The following ZW10 variants were observed in gnomAD, a reference collection of about 807,000 sequenced individuals.
ZW10 encodes centromere/kinetochore protein zw10 homolog.
ZW10 carries 53 observed loss-of-function variants against 87.8 expected under a neutral mutation model. The observed-to-expected ratio is 0.60, with a 90% CI of 0.48 to 0.76. ZW10 has a LOEUF of 0.76. Among genes scored for constraint, ZW10 ranks in the 30% least tolerant of loss-of-function variants. The pLI is 0.00. For missense variants in ZW10, 837 were observed against 923.0 expected (o/e 0.91, Z 1.21); for synonymous variants, 312 against 329.2 (o/e 0.95, Z 0.57).
At chr11:113,768,317 T>C (rs17541841) in intron 2 of ZW10, among the ~76,000 whole-genome samples, 10,622 of 152,258 alleles carry the variant, frequency 0.07, 423 homozygotes, top group African/African-American at 0.1. Context: ...CTAAACCTTC[T>C]CATCCAGACC....
intron 12 of ZW10, among the ~76,000 whole-genome samples, 191 bp from the exon 13 acceptor site, chr11:113,738,585 C>T (rs1352984677): frequency 1.3e-5 from 2 of 152,140 alleles, no homozygotes; most frequent in East Asian, 3.8e-4. Flanking sequence ...GTTCCTCAAA[C>T]CCCACCCTCC....
chr11:113,739,202 G>C lies in ZW10; in HGVS notation c.1753+11C>G, dbSNP rs745666929. 1.9e-6 allele frequency: 3 copies of C among 1,613,132 alleles called. No homozygotes were observed. The highest frequency in any genetic ancestry group is 2.7e-5 in the African/African-American group (2 of 74,836). ...ATCCATATGCTTTCCTACATTGAAA[G>C]TATCAGTTACCAAGTCTCCTGAAGC... On this transcript the variant is annotated intron_variant, in intron 12 of 15. Transcript: ENST00000200135.
At position 113,733,561 on chromosome 11, in the gene ZW10, T is replaced by G. The variant is rs572873112; in HGVS notation, c.*133A>C. ...TACAGGCCAGGAGGTAAGACGTTCT[T>G]CTGTAAAGTCAAACTTCCAAGATGT... On this transcript the variant is annotated 3_prime_UTR_variant, in exon 16 of 16. Coordinates refer to ENST00000200135, the MANE Select transcript of ZW10 (RefSeq NM_004724.4). The G allele has an allele frequency of 6.6e-6, 8 of 1,216,552 alleles. No individual in the cohort carries two copies. The South Asian group carries it at 1.1e-4, about 16-fold the overall frequency. The allele number at this position is 1,216,552 out of a possible 1,614,324, so 75.4% of individuals were successfully genotyped here.
At chr11:113,762,295 CT>C (rs1565287559) in intron 2 of ZW10, among the ~76,000 whole-genome samples, 2 of 152,096 alleles carry the variant, frequency 1.3e-5, no homozygotes, top group Non-Finnish European at 2.9e-5. Context: ...AATGGTACAC[CT>C]GTATAGGGCA....
intron 10 of ZW10, among the ~76,000 whole-genome samples, chr11:113,742,556 T>C (rs1180877043): frequency 6.6e-6 from 1 of 152,208 alleles, no homozygotes; most frequent in Non-Finnish European, 1.5e-5. Context: ...AGCTGTGGTT[T>C]TGTTTGTCCT....
Position 113,743,797 on chromosome 11 carries a change from C to T in ZW10, c.1511+5G>A, listed in dbSNP as rs150184757. 390 of 1,607,920 alleles carry T rather than the reference C, an allele frequency of 2.4e-4. 1 individual carries two copies. The East Asian group carries it at 7.7e-3, about 32-fold the overall frequency. ...TGCCATTTTCACACAACCCAGAATT[C>T]GTACCATTGATCACTACTGGTTGTT... On this transcript the variant is annotated splice_donor_5th_base_variant and intron_variant, in intron 10 of 15. Coordinates refer to ENST00000200135, the MANE Select transcript of ZW10 (RefSeq NM_004724.4).
intron 5 of ZW10, among the ~76,000 whole-genome samples, chr11:113,759,332 C>T (rs1316195365): frequency 6.6e-6 from 1 of 152,144 alleles, no homozygotes; most frequent in Non-Finnish European, 1.5e-5. Context: ...TAATATTCTA[C>T]TTGAGAACAG....
chr11:113,742,341 G>A (rs1417647739), intron 10 of ZW10, among the ~76,000 whole-genome samples: 10 of 152,170 alleles, frequency 6.6e-5, no homozygotes, highest in African/African-American at 1.9e-4. Flanking sequence ...CAAACATAAG[G>A]TTTGTGTAAC....
Position 113,752,526 on chromosome 11 carries a change from A to G in ZW10, c.926-4106T>C, listed in dbSNP as rs1480169532. ...GTCTATGAGCACCATTTTGTCCAAG[A>G]GCATGTGCTCACTTCATATATCTGT... On this transcript the variant is annotated intron_variant, in intron 7 of 15. Coordinates refer to ENST00000200135, the MANE Select transcript of ZW10 (RefSeq NM_004724.4). 2.0e-5 allele frequency among the ~76,000 whole-genome samples: 3 copies of G among 152,354 alleles called. No individual in the cohort carries two copies. The East Asian group carries it at 5.8e-4, about 29-fold the overall frequency.
At chr11:113,753,534 C>T (rs564810207) in intron 7 of ZW10, among the ~76,000 whole-genome samples, 176 of 152,248 alleles carry the variant, frequency 1.2e-3, no homozygotes, top group African/African-American at 4.1e-3. Flanking sequence ...GCCTCCTGAG[C>T]AGCTTGGATT....
At chr11:113,740,504 A>G (rs1476962685) in intron 11 of ZW10, among the ~76,000 whole-genome samples, 1 of 152,162 alleles carries the variant, frequency 6.6e-6, no homozygotes, top group Admixed American at 6.5e-5. Flanking sequence ...AGATCACCTG[A>G]GCCCAGTAGG....
intron 9 of ZW10, among the ~76,000 whole-genome samples, chr11:113,746,450 C>A (rs1591413010): frequency 1.5e-5 from 2 of 133,590 alleles, no homozygotes; most frequent in African/African-American, 2.9e-5. Context: ...ATGTATGTAC[C>A]AGGTATTTTC....
At position 113,739,261 on chromosome 11, in the gene ZW10, C is replaced by T; in HGVS notation, c.1705G>A (p.Asp569Asn). The T allele has an allele frequency of 6.2e-6, 10 of 1,613,940 alleles. No individual in the cohort carries two copies. Among genetic ancestry groups the T allele is most frequent in the Non-Finnish European group, 7.6e-6 (9 of 1,179,936 alleles). The change falls in exon 12 of 16, where the codon GAT becomes AAT. Residue 569 changes from aspartate (D) to asparagine (N), a missense_variant. Asp to Asn is a conservative substitution (Grantham distance 23). Coordinates refer to ENST00000200135, the MANE Select transcript of ZW10 (RefSeq NM_004724.4). Reference sequence around the variant, plus strand: ...AGATCCACAAAAGTAGCAGTGCCATCACAAAGAATGGGGGCAAGACGCAAT... The same window carrying T: ...AGATCCACAAAAGTAGCAGTGCCATTACAAAGAATGGGGGCAAGACGCAAT... ...FRLRLAPILCDGTATFVDLVP... is the reference protein window; with the variant it reads ...FRLRLAPILCNGTATFVDLVP...
At chr11:113,760,967 G>T in intron 2 of ZW10, 49 bp from the exon 3 acceptor site, 1 of 1,465,098 alleles carries the variant, frequency 6.8e-7, no homozygotes, top group Non-Finnish European at 9.4e-7. Flanking sequence ...CCATACCTAA[G>T]AAATAAAAAA....
Position 113,738,486 on chromosome 11 carries a change from CT to C in ZW10, c.1754-93del, listed in dbSNP as rs1953577381. 9 of 1,192,742 alleles carry C rather than the reference CT, an allele frequency of 7.5e-6. 1 individual carries two copies. Among genetic ancestry groups the C allele is most frequent in the African/African-American group, 1.6e-5 (1 of 63,952 alleles). The allele number at this position is 1,192,742 out of a possible 1,614,324, so 73.9% of individuals were successfully genotyped here. A position where few individuals can be genotyped will look rare whatever the true frequency, so the allele number is the denominator to read the frequency against. On this transcript the variant is annotated intron_variant, in intron 12 of 15. Transcript: ENST00000200135. ...GACAAGAGATGCATAAACCATGTAT[CT>C]GTTCTGCCTATATAAAAATAATTGC...
intron 7 of ZW10, among the ~76,000 whole-genome samples, chr11:113,756,828 C>T (rs1953791982): frequency 6.6e-6 from 1 of 152,066 alleles, no homozygotes; most frequent in Non-Finnish European, 1.5e-5. Context: ...AATTGTATTC[C>T]TCCCTAAGGG....
chr11:113,739,102 C>T (rs1565279298), intron 12 of ZW10, 111 bp downstream of exon 12: 3 of 1,202,612 alleles, frequency 2.5e-6, no homozygotes, highest in Non-Finnish European at 2.3e-6. Context: ...CTTTCTGATA[C>T]AGCTCAGGAC....
chr11:113,745,704 A>G (rs1953670544), intron 9 of ZW10, among the ~76,000 whole-genome samples: 1 of 152,248 alleles, frequency 6.6e-6, no homozygotes. Flanking sequence ...GAAGAATGTT[A>G]GACCTAGTAA....
intron 7 of ZW10, 96 bp from the exon 8 acceptor site, chr11:113,748,516 G>A (rs1467830762): frequency 1.4e-5 from 16 of 1,103,786 alleles, no homozygotes; most frequent in Non-Finnish European, 1.9e-5. Context: ...TAAGATGATG[G>A]GGAAGAAAAC....
Sources: gnomAD v4.1 joint callset for allele counts (sites outside exome capture counted in the v4.1 genomes callset) on GRCh38, gnomAD v4.1.1 for gene constraint, MANE v1.5 for transcripts, NCBI Gene and HGNC (gene_info 2026-07-23, HGNC 2026-07-21) for gene names.